PITPNC1: variants seen among roughly 807,000 people sequenced by gnomAD.
The protein encoded by PITPNC1 is phosphatidylinositol transfer protein cytoplasmic 1.
In PITPNC1, 18 loss-of-function variants were observed where a neutral mutation model predicts 44.7. The observed-to-expected ratio is 0.40, with a 90% CI of 0.28 to 0.60. The LOEUF (loss-of-function observed/expected upper bound fraction) is 0.60, where lower values mean the gene tolerates loss of function less well. Among genes scored for constraint, PITPNC1 ranks in the 20% least tolerant of loss-of-function variants. The probability of loss-of-function intolerance (pLI) is 0.39; values close to 1 mark genes in which losing one functional copy is unlikely to be tolerated. For synonymous variants in PITPNC1, 141 were observed against 149.6 expected (o/e 0.94, Z 0.42); for missense variants, 290 against 418.4 (o/e 0.69, Z 2.68).
chr17:67,545,900 C>T (rs1598804651), intron 2 of PITPNC1, among the ~76,000 whole-genome samples: 2 of 152,100 alleles, frequency 1.3e-5, no homozygotes, highest in East Asian at 1.9e-4. Flanking sequence ...TGACAGTGCA[C>T]AATAGCCATA....
rs903126513 is a variant in PITPNC1 at position 67,588,391 on chromosome 17, G to A, written c.366+10134G>A. ...TTTTAGTTCCCTGCAGTCAAATGCA[G>A]TCCAAAAATATTAAATGGAAAATTC... On this transcript the variant is annotated intron_variant, in intron 5 of 8. Coordinates refer to ENST00000581322, the MANE Select transcript of PITPNC1 (RefSeq NM_012417.4). Among the ~76,000 whole-genome samples, 3 of 152,288 alleles carry A rather than the reference G, an allele frequency of 2.0e-5. No homozygotes were observed. The South Asian group carries it at 6.2e-4, about 32-fold the overall frequency.
chr17:67,378,071 C>A lies in PITPNC1; in HGVS notation c.-84C>A. ...GCTCCGAGCGCCGGGCTCCGGGCGC[C>A]CTGCCCTGCGCCTGGGCAGCAGCCT... On this transcript the variant is annotated 5_prime_UTR_variant, in exon 1 of 9. Coordinates refer to ENST00000581322, the MANE Select transcript of PITPNC1 (RefSeq NM_012417.4). The A allele has an allele frequency of 3.3e-6, 3 of 900,008 alleles. No homozygotes were observed. The highest frequency in any genetic ancestry group is 3.0e-4 in the Middle Eastern group (1 of 3,334). The allele number at this position is 900,008 out of a possible 1,614,324, so 55.8% of individuals were successfully genotyped here.
intron 1 of PITPNC1, chr17:67,459,914 T>C (rs1465817123): frequency 1.3e-5 from 2 of 152,162 alleles, no homozygotes; most frequent in African/African-American, 4.8e-5. Flanking sequence ...AACCAGCAGC[T>C]TAGAAAACAA....
At chr17:67,470,136 T>A (rs934727200) in intron 1 of PITPNC1, among the ~76,000 whole-genome samples, 1 of 152,296 alleles carries the variant, frequency 6.6e-6, no homozygotes, top group Admixed American at 6.5e-5. Context: ...TCGGCCAGGC[T>A]GTTTTCAAGC....
chr17:67,629,715 T>C (rs902985781), intron 5 of PITPNC1, among the ~76,000 whole-genome samples: 1 of 152,238 alleles, frequency 6.6e-6, no homozygotes, highest in Non-Finnish European at 1.5e-5. Context: ...TCACAACTTA[T>C]TTCTCCACTT....
chr17:67,403,241 A>AAAAAG (rs2038349084), intron 1 of PITPNC1, among the ~76,000 whole-genome samples: 1 of 149,868 alleles, frequency 6.7e-6, no homozygotes, highest in African/African-American at 2.5e-5. Flanking sequence ...AAAAAAAAAA[A>AAAAAG]GTCATGACTG....
rs1379362088 is a variant in PITPNC1, at chr17:67,377,283, C to G, written c.-872C>G. ...CAGCCTCGCTCGCGCTCGCTCCTCC[C>G]GCACCCACCTCCCGGCCCCAGGCAC... On this transcript the variant is annotated 5_prime_UTR_variant, in exon 1 of 9. Transcript: ENST00000581322. 1 of 152,394 alleles carries G rather than the reference C, an allele frequency of 6.6e-6. No homozygotes were observed. Among genetic ancestry groups the G allele is most frequent in the Non-Finnish European group, 1.5e-5 (1 of 68,172 alleles). The allele number at this position is 152,394 out of a possible 1,614,324, so 9.4% of individuals were successfully genotyped here.
chr17:67,658,744 G>A (rs1163665179), intron 6 of PITPNC1, among the ~76,000 whole-genome samples: 1 of 151,952 alleles, frequency 6.6e-6, no homozygotes. Context: ...CAGGAGCTTG[G>A]ACTCCTGCTT....
At position 67,674,182 on chromosome 17, in the gene PITPNC1, CTT is replaced by C. The variant is rs1169727984; in HGVS notation, c.619-1296_619-1295del. 5.9e-5 allele frequency among the ~76,000 whole-genome samples: 9 copies of C among 151,974 alleles called. No individual in the cohort carries two copies. In the South Asian group the frequency reaches 8.3e-4, roughly 14 times the overall value. ...GTGTTACAAAGAATCCAATTACACT[CTT>C]AAGTTATTTTAAAATGTACAATTAA... On this transcript the variant is annotated intron_variant, in intron 7 of 8. Transcript: ENST00000581322.
At chr17:67,643,342 C>T (rs539460069) in intron 6 of PITPNC1, among the ~76,000 whole-genome samples, 3 of 152,062 alleles carry the variant, frequency 2.0e-5, no homozygotes, top group Non-Finnish European at 2.9e-5. Flanking sequence ...GCTGAGATCG[C>T]GCCACTGCAC....
At chr17:67,403,982 G>A (rs559720942) in intron 1 of PITPNC1, among the ~76,000 whole-genome samples, 12 of 152,204 alleles carry the variant, frequency 7.9e-5, no homozygotes, top group African/African-American at 2.2e-4. Flanking sequence ...AGATTGCGCC[G>A]CTGCTCTCCA....
intron 1 of PITPNC1, among the ~76,000 whole-genome samples, chr17:67,494,185 T>TTCTTTCTC: frequency 2.0e-4 from 20 of 102,488 alleles, no homozygotes; most frequent in South Asian, 9.5e-4. Flanking sequence ...CTTTCTTTCT[T>TTCTTTCTC]TTTCTTTCTT....
At position 67,512,275 on chromosome 17, in the gene PITPNC1, G is replaced by C. The variant is rs369804650; in HGVS notation, c.49-20527G>C. Among the ~76,000 whole-genome samples, 67 of 152,306 alleles carry C rather than the reference G, an allele frequency of 4.4e-4. No homozygotes were observed. The East Asian group carries it at 0.012, about 28-fold the overall frequency. ...GCACTTTGGGAGGCCCAGGCGGGCG[G>C]ATCATTTGAGGTCAGGAGTTTGAGG... On this transcript the variant is annotated intron_variant, in intron 1 of 8. Transcript: ENST00000581322.
chr17:67,454,655 A>G (rs911170525), intron 1 of PITPNC1, among the ~76,000 whole-genome samples: 7 of 152,122 alleles, frequency 4.6e-5, no homozygotes, highest in Non-Finnish European at 5.9e-5. Context: ...ATTGCAAAGC[A>G]CCATATGTTC....
intron 1 of PITPNC1, among the ~76,000 whole-genome samples, chr17:67,393,022 C>T (rs1672442475): frequency 6.6e-6 from 1 of 151,354 alleles, no homozygotes; most frequent in South Asian, 2.1e-4. Context: ...CCCAGCTACT[C>T]AGGAGGCTGA....
chr17:67,416,115 C>T (rs2038584277), intron 1 of PITPNC1, among the ~76,000 whole-genome samples: 1 of 148,340 alleles, frequency 6.7e-6, no homozygotes, highest in Admixed American at 6.8e-5. Flanking sequence ...CAGGTACTTA[C>T]TGAAAAATTC....
chr17:67,683,571 A>G (rs183551642), intron 8 of PITPNC1, among the ~76,000 whole-genome samples: 200 of 152,316 alleles, frequency 1.3e-3, no homozygotes, highest in African/African-American at 4.6e-3. Context: ...TATTATCACC[A>G]TCTTTTAGAG....
At position 67,377,970 on chromosome 17, in the gene PITPNC1, C is replaced by G. The variant is rs1367219988; in HGVS notation, c.-185C>G. On this transcript the variant is annotated 5_prime_UTR_variant, in exon 1 of 9. Coordinates refer to ENST00000581322, the MANE Select transcript of PITPNC1 (RefSeq NM_012417.4). ...CGGGGGAGCTGCGAACACCCAGACC[C>G]AAACCCTGACATGCTCTGGGGCGGA... 1 of 431,724 alleles carries G rather than the reference C, an allele frequency of 2.3e-6. No homozygotes were observed. Among genetic ancestry groups the G allele is most frequent in the Non-Finnish European group, 4.0e-6 (1 of 246,978 alleles). The allele number at this position is 431,724 out of a possible 1,614,324, so 26.7% of individuals were successfully genotyped here. A position where few individuals can be genotyped will look rare whatever the true frequency, so the allele number is the denominator to read the frequency against.
At chr17:67,464,671 C>G (rs1222762513) in intron 1 of PITPNC1, among the ~76,000 whole-genome samples, 4 of 150,576 alleles carry the variant, frequency 2.7e-5, no homozygotes, top group Non-Finnish European at 4.4e-5. Context: ...AAAATTGCAC[C>G]AAAAAAAGCA....
Sources: gnomAD v4.1 joint callset for allele counts (sites outside exome capture counted in the v4.1 genomes callset) on GRCh38, gnomAD v4.1.1 for gene constraint, MANE v1.5 for transcripts, NCBI Gene and HGNC (gene_info 2026-07-23, HGNC 2026-07-21) for gene names.